The following ENOX1 variants were observed in gnomAD, a reference collection of about 807,000 sequenced individuals.
ENOX1 encodes ecto-NOX disulfide-thiol exchanger 1.
Under a neutral mutation model 82.5 loss-of-function variants are expected in ENOX1, and 42 were observed. That is an observed-to-expected ratio of 0.51 (90% confidence interval 0.40 to 0.66). ENOX1 has a LOEUF of 0.66. Among genes scored for constraint, ENOX1 ranks in the 30% least tolerant of loss-of-function variants. The probability of loss-of-function intolerance (pLI) is 0.00; values close to 1 mark genes in which losing one functional copy is unlikely to be tolerated. For missense variants in ENOX1, 608 were observed against 811.6 expected, an observed-to-expected ratio of 0.75 and a Z score of 3.05; for synonymous variants, 271 against 282.2, an observed-to-expected ratio of 0.96 and a Z score of 0.40.
chr13:43,712,506 A>G (rs299341), intron 1 of ENOX1, among the ~76,000 whole-genome samples: 114,277 of 148,378 alleles, frequency 0.77, 46,774 homozygotes, highest in South Asian at 0.93. Flanking sequence ...ATTACCTTGG[A>G]CAGTATGGCC....
At chr13:43,727,024 G>T (rs1345953635) in intron 1 of ENOX1, among the ~76,000 whole-genome samples, 1 of 152,176 alleles carries the variant, frequency 6.6e-6, no homozygotes, top group East Asian at 1.9e-4. Flanking sequence ...TTACAGGCGT[G>T]TGCATGGATT....
intron 2 of ENOX1, among the ~76,000 whole-genome samples, chr13:43,567,267 G>C (rs1421582726): frequency 6.6e-6 from 1 of 152,028 alleles, no homozygotes; most frequent in Non-Finnish European, 1.5e-5. Flanking sequence ...TACTTTGAAT[G>C]GTTATCAAAA....
chr13:43,705,628 G>A (rs944082487), intron 1 of ENOX1, among the ~76,000 whole-genome samples: 7 of 151,816 alleles, frequency 4.6e-5, no homozygotes, highest in African/African-American at 4.8e-5. Context: ...ATAGAGGGCC[G>A]TTTCATTAAT....
intron 2 of ENOX1, among the ~76,000 whole-genome samples, chr13:43,665,321 A>G (rs976255176): frequency 8.5e-5 from 13 of 152,340 alleles, no homozygotes; most frequent in African/African-American, 3.1e-4. Flanking sequence ...AAGCAACTCT[A>G]AAGAACAGAT....
chr13:43,597,942 CA>C (rs2081539325), intron 2 of ENOX1, among the ~76,000 whole-genome samples: 1 of 152,188 alleles, frequency 6.6e-6, no homozygotes, highest in African/African-American at 2.4e-5. Flanking sequence ...ACCAGCTTAG[CA>C]AGGCCTATCC....
intron 1 of ENOX1, among the ~76,000 whole-genome samples, chr13:43,756,388 G>A (rs1269230355): frequency 2.0e-5 from 3 of 149,246 alleles, no homozygotes; most frequent in Non-Finnish European, 3.0e-5. Flanking sequence ...AACCGGGATC[G>A]TACCACTGCA....
intron 3 of ENOX1, among the ~76,000 whole-genome samples, chr13:43,425,537 G>A (rs1284986409): frequency 2.0e-5 from 3 of 152,148 alleles, no homozygotes; most frequent in African/African-American, 4.8e-5. Flanking sequence ...GCATTTGGAG[G>A]ACTATGTTCC....
At chr13:43,559,673 G>C (rs1288176802) in intron 2 of ENOX1, among the ~76,000 whole-genome samples, 1 of 152,182 alleles carries the variant, frequency 6.6e-6, no homozygotes, top group Admixed American at 6.5e-5. Flanking sequence ...AGTTGCAAAA[G>C]ATAAGACAGT....
intron 7 of ENOX1, among the ~76,000 whole-genome samples, chr13:43,359,450 C>G (rs187100512): frequency 7.2e-5 from 11 of 152,342 alleles, no homozygotes; most frequent in Admixed American, 5.9e-4. Context: ...AAGGAACTGA[C>G]CTTGCTTTGG....
intron 1 of ENOX1, among the ~76,000 whole-genome samples, chr13:43,772,506 T>C (rs1426021936): frequency 6.6e-6 from 1 of 152,072 alleles, no homozygotes; most frequent in Non-Finnish European, 1.5e-5. Context: ...CCCAGCACTT[T>C]GGGAGGCCAA....
intron 2 of ENOX1, among the ~76,000 whole-genome samples, chr13:43,663,822 T>C (rs761910080): frequency 5.6e-4 from 85 of 151,148 alleles, no homozygotes; most frequent in Non-Finnish European, 4.6e-4. Flanking sequence ...TTTGACAGAG[T>C]TTAGTGGTAA....
intron 2 of ENOX1, among the ~76,000 whole-genome samples, chr13:43,567,259 C>T (rs1189328356): frequency 1.3e-5 from 2 of 152,046 alleles, no homozygotes; most frequent in Non-Finnish European, 2.9e-5. Flanking sequence ...ATTCATTATA[C>T]TTTGAATGGT....
chr13:43,738,301 G>T (rs781756565), intron 1 of ENOX1, among the ~76,000 whole-genome samples: 1 of 152,004 alleles, frequency 6.6e-6, no homozygotes, highest in Non-Finnish European at 1.5e-5. Context: ...ATAGAGCCAA[G>T]CATATAATCA....
chr13:43,322,575 T>G, intron 10 of ENOX1, 74 bp from the exon 11 acceptor site: 1 of 1,161,276 alleles, frequency 8.6e-7, no homozygotes, highest in Non-Finnish European at 1.3e-6. Flanking sequence ...TGGGTATATA[T>G]GACTGGCATA....
At chr13:43,707,758 C>CAAAAAAAAAAAAAAAAAA (rs1566805024) in intron 1 of ENOX1, among the ~76,000 whole-genome samples, 1 of 40,932 alleles carries the variant, frequency 2.4e-5, no homozygotes. Flanking sequence ...AAAAAAAAAC[C>CAAAAAAAAAAAAAAAAAA]AAGAACAAAG....
intron 2 of ENOX1, among the ~76,000 whole-genome samples, chr13:43,557,769 G>C (rs1379378974): frequency 6.6e-6 from 1 of 152,144 alleles, no homozygotes; most frequent in African/African-American, 2.4e-5. Flanking sequence ...CTGCCCTTCA[G>C]ACTGGGTGAC....
chr13:43,650,532 T>C (rs2084111236), intron 2 of ENOX1, among the ~76,000 whole-genome samples: 1 of 152,098 alleles, frequency 6.6e-6, no homozygotes, highest in South Asian at 2.1e-4. Flanking sequence ...CCACTGCCCC[T>C]GGGACTTTCA....
intron 3 of ENOX1, among the ~76,000 whole-genome samples, chr13:43,452,105 T>A (rs775949895): frequency 5.3e-5 from 8 of 152,136 alleles, no homozygotes; most frequent in South Asian, 2.1e-4. Flanking sequence ...CAGCAGGGCT[T>A]ACAGATCTAC....
At chr13:43,294,860 G>C (rs1448540473) in intron 12 of ENOX1, among the ~76,000 whole-genome samples, 1 of 152,172 alleles carries the variant, frequency 6.6e-6, no homozygotes, top group East Asian at 1.9e-4. Flanking sequence ...GCTAAAGAAA[G>C]AAGCCCAACT....
Sources: allele counts gnomAD v4.1 joint callset (sites outside exome capture counted in the v4.1 genomes callset), GRCh38; gene constraint gnomAD v4.1.1; transcripts MANE v1.5; gene names NCBI Gene and HGNC (gene_info 2026-07-23, HGNC 2026-07-21).